The following GPM6B variants were observed in gnomAD, a reference collection of about 807,000 sequenced individuals.
The protein encoded by GPM6B is glycoprotein M6B.
GPM6B carries 4 observed loss-of-function variants against 27.2 expected under a neutral mutation model. That is an observed-to-expected ratio of 0.15 (90% CI 0.07 to 0.34). GPM6B has a LOEUF of 0.34. Among genes scored for constraint, GPM6B ranks in the 10% least tolerant of loss-of-function variants. The pLI is 1.00. For missense variants in GPM6B, 183 were observed against 261.9 expected, an observed-to-expected ratio of 0.70 and a Z score of 2.08; for synonymous variants, 124 against 103.1, an observed-to-expected ratio of 1.20 and a Z score of -1.23.
At chrX:13,850,522 T>C (rs1367180065) in intron 1 of GPM6B, among the ~76,000 whole-genome samples, 3 of 112,710 alleles carry the variant, frequency 2.7e-5, no homozygotes, top group Non-Finnish European at 5.6e-5. Flanking sequence ...TTGAACAGCA[T>C]GTTTGTCTCT....
intron 1 of GPM6B, among the ~76,000 whole-genome samples, chrX:13,831,655 G>A (rs1395888985): frequency 9.0e-6 from 1 of 111,246 alleles, no homozygotes. Flanking sequence ...CTGGGCTCCT[G>A]GCGTTCTTTG....
intron 1 of GPM6B, among the ~76,000 whole-genome samples, chrX:13,905,148 T>C (rs1232997056): frequency 9.6e-6 from 1 of 104,465 alleles, no homozygotes; most frequent in African/African-American, 3.5e-5. Context: ...AGAGGATCGT[T>C]TGAGCCCAGG....
At chrX:13,866,090 G>A (rs781485055) in intron 1 of GPM6B, among the ~76,000 whole-genome samples, 17 of 111,847 alleles carry the variant, frequency 1.5e-4, no homozygotes, top group Non-Finnish European at 2.1e-4. Flanking sequence ...CAAGCCGGGC[G>A]CAGTGGCTCA....
At chrX:13,864,796 C>A (rs767839817) in intron 1 of GPM6B, among the ~76,000 whole-genome samples, 1 of 111,422 alleles carries the variant, frequency 9.0e-6, no homozygotes, top group Non-Finnish European at 1.9e-5. Flanking sequence ...GTGCTTCCAA[C>A]GTATAGTAAA....
At chrX:13,893,372 C>G (rs1449336578) in intron 1 of GPM6B, among the ~76,000 whole-genome samples, 3 of 107,106 alleles carry the variant, frequency 2.8e-5, no homozygotes, top group African/African-American at 1.0e-4. Flanking sequence ...ATTAAATTAC[C>G]TACAAGCACG....
At chrX:13,914,838 C>A (rs1215669456) in intron 1 of GPM6B, among the ~76,000 whole-genome samples, 1 of 112,177 alleles carries the variant, frequency 8.9e-6, no homozygotes, top group Non-Finnish European at 1.9e-5. Flanking sequence ...TTTGGAAGTG[C>A]CTCCAGAGAG....
intron 1 of GPM6B, among the ~76,000 whole-genome samples, chrX:13,866,868 G>A (rs2049926060): frequency 1.8e-5 from 2 of 111,699 alleles, no homozygotes; most frequent in South Asian, 7.6e-4. Context: ...TGGAGTCAGA[G>A]AGATGCATTT....
chrX:13,795,498 C>T (rs2048793072), intron 2 of GPM6B, among the ~76,000 whole-genome samples: 1 of 111,565 alleles, frequency 9.0e-6, no homozygotes, highest in African/African-American at 3.3e-5. Context: ...CAAGATACCC[C>T]AAGATGCCTC....
At chrX:13,909,259 G>A (rs1293170064) in intron 1 of GPM6B, among the ~76,000 whole-genome samples, 1 of 108,252 alleles carries the variant, frequency 9.2e-6, no homozygotes, top group African/African-American at 3.4e-5. Context: ...GAGTAGCTGG[G>A]ATTACAGGTG....
intron 1 of GPM6B, among the ~76,000 whole-genome samples, chrX:13,868,174 T>C (rs1305273287): frequency 1.3e-5 from 1 of 78,904 alleles, no homozygotes; most frequent in African/African-American, 4.5e-5. Flanking sequence ...CAAAAGTTGC[T>C]CATAGACATT....
intron 7 of GPM6B, chrX:13,773,953 C>CTTTTTT (rs772367299): frequency 3.0e-5 from 13 of 436,301 alleles, no homozygotes; most frequent in African/African-American, 9.4e-5. Context: ...CATATAAATC[C>CTTTTTT]TTTTTTTTTT....
chrX:13,841,708 C>G (rs764626367), intron 1 of GPM6B, among the ~76,000 whole-genome samples: 6 of 111,554 alleles, frequency 5.4e-5, no homozygotes, highest in Non-Finnish European at 7.5e-5. Flanking sequence ...CTTCAAATCA[C>G]AGGCCAAGGC....
intron 1 of GPM6B, among the ~76,000 whole-genome samples, chrX:13,869,199 T>A (rs1041380628): frequency 6.3e-5 from 7 of 111,874 alleles, no homozygotes; most frequent in Non-Finnish European, 1.3e-4. Context: ...CTCAGAAACA[T>A]CATGCTAAGT....
chrX:13,880,639 G>A (rs1270105644), intron 1 of GPM6B, among the ~76,000 whole-genome samples: 1 of 87,607 alleles, frequency 1.1e-5, no homozygotes, highest in Non-Finnish European at 2.0e-5. Flanking sequence ...TTGTGCCACT[G>A]CACTCCAGCC....
rs2048323769 is a variant in GPM6B at position 13,772,717 on chromosome X, C to T, written c.*164G>A. 1 of 372,127 alleles carries T rather than the reference C, an allele frequency of 2.7e-6. No individual in the cohort carries two copies. Among genetic ancestry groups the T allele is most frequent in the East Asian group, 4.1e-5 (1 of 24,158 alleles). 30.7% of individuals were successfully genotyped at this position (372,127 alleles called of 1,213,427 possible). On this transcript the variant is annotated 3_prime_UTR_variant, in exon 8 of 8. Transcript: ENST00000316715. ...TTTGTTCTAAAGAAAAAGATTTACC[C>T]ACTGGAAGGTTTTCCTAGAGATACA...
At chrX:13,812,905 T>C in intron 1 of GPM6B, 1 of 103,335 alleles carries the variant, frequency 9.7e-6, no homozygotes, top group Non-Finnish European at 2.0e-5. Context: ...CACATTTAAA[T>C]GTTCTAAAAA....
upstream of GPM6B, among the ~76,000 whole-genome samples, chrX:13,820,472 T>C (rs1164633831): frequency 1.8e-5 from 2 of 110,812 alleles, no homozygotes; most frequent in African/African-American, 6.6e-5. Flanking sequence ...CTGCAGGGAC[T>C]AAGAGGCATT....
intron 1 of GPM6B, among the ~76,000 whole-genome samples, chrX:13,893,279 T>C (rs959187227): frequency 1.8e-5 from 2 of 111,117 alleles, no homozygotes; most frequent in African/African-American, 6.5e-5. Context: ...ATCTCCAAGA[T>C]CTCACATCTA....
At chrX:13,835,271 T>C (rs2049482995) in intron 1 of GPM6B, among the ~76,000 whole-genome samples, 2 of 111,289 alleles carry the variant, frequency 1.8e-5, no homozygotes, top group Non-Finnish European at 1.9e-5. Flanking sequence ...ATACAACCCA[T>C]GGAAGGATGA....
Sources: gnomAD v4.1 joint callset for allele counts (sites outside exome capture counted in the v4.1 genomes callset) on GRCh38, gnomAD v4.1.1 for gene constraint, MANE v1.5 for transcripts, NCBI Gene and HGNC (gene_info 2026-07-23, HGNC 2026-07-21) for gene names.